ERGIC1: variants seen among roughly 807,000 people sequenced by gnomAD.
ERGIC1 encodes the protein endoplasmic reticulum-golgi intermediate compartment 1.
A neutral mutation model predicts 38.3 loss-of-function variants in ERGIC1; 19 were observed. The ratio of observed to expected loss-of-function variants is 0.50; its 90% CI spans 0.35 to 0.73. The LOEUF is 0.73. ERGIC1 is among the 30% of genes least tolerant of loss of function. The pLI is 0.01. For synonymous variants in ERGIC1, 124 were observed against 157.6 expected (o/e 0.79, Z 1.60); for missense variants, 294 against 389.2 (o/e 0.76, Z 2.06).
At chr5:172,878,924 C>T (rs977214496) in intron 1 of ERGIC1, among the ~76,000 whole-genome samples, 2 of 152,178 alleles carry the variant, frequency 1.3e-5, no homozygotes, top group African/African-American at 2.4e-5. Context: ...CACTCGGCAC[C>T]GAGGGCTCCG....
intron 5 of ERGIC1, 116 bp downstream of exon 5, chr5:172,914,954 C>T (rs1236134444): frequency 6.6e-7 from 1 of 1,508,186 alleles, no homozygotes; most frequent in Non-Finnish European, 9.1e-7. Flanking sequence ...CAGCCCCCAG[C>T]AAGCGAGGGT....
intron 3 of ERGIC1, chr5:172,905,997 G>A: frequency 2.2e-6 from 1 of 452,704 alleles, no homozygotes; most frequent in East Asian, 7.0e-5. Context: ...TTAGAAGCCC[G>A]GTGTTTAAAG....
At chr5:172,905,658 C>T (rs1024486644) in intron 3 of ERGIC1, among the ~76,000 whole-genome samples, 5 of 152,216 alleles carry the variant, frequency 3.3e-5, no homozygotes, top group African/African-American at 9.6e-5. Context: ...GACACCCTGC[C>T]GGATCCAGAG....
intron 5 of ERGIC1, chr5:172,915,466 A>C (rs1278882072): frequency 2.4e-6 from 1 of 424,768 alleles, no homozygotes; most frequent in Non-Finnish European, 5.0e-6. Context: ...GCTTGAAAGT[A>C]CCTTGTCCGC....
intron 9 of ERGIC1, among the ~76,000 whole-genome samples, chr5:172,945,064 C>T (rs1025073497): frequency 2.0e-5 from 3 of 152,226 alleles, no homozygotes; most frequent in Non-Finnish European, 4.4e-5. Context: ...ACGTCTTGTG[C>T]ACCTCCCATG....
intron 1 of ERGIC1, chr5:172,867,567 T>C: frequency 2.3e-6 from 1 of 432,452 alleles, no homozygotes; most frequent in Non-Finnish European, 4.7e-6. Context: ...GAGGTGTTAC[T>C]CCACCCCCGA....
At position 172,951,198 on chromosome 5, in the gene ERGIC1, T is replaced by TA. The variant is rs1764222552; in HGVS notation, c.*383dup. 1 of 161,098 alleles carries TA rather than the reference T, an allele frequency of 6.2e-6. No homozygotes were observed. The highest frequency in any genetic ancestry group is 1.8e-4 in the South Asian group (1 of 5,450). 10.0% of individuals were successfully genotyped at this position (161,098 alleles called of 1,614,324 possible). A position where few individuals can be genotyped will look rare whatever the true frequency, so the allele number is the denominator to read the frequency against. ...GCTTCGACAATCTCGCAGCCCCCAC[T>TA]AGGTGGACACATTAATGATTTGGTT... On this transcript the variant is annotated 3_prime_UTR_variant, in exon 10 of 10. Coordinates refer to ENST00000393784, the MANE Select transcript of ERGIC1 (RefSeq NM_001031711.3).
chr5:172,943,780 G>A (rs1323899487), intron 9 of ERGIC1, among the ~76,000 whole-genome samples: 1 of 152,190 alleles, frequency 6.6e-6, no homozygotes, highest in Non-Finnish European at 1.5e-5. Flanking sequence ...TCCATTGCAC[G>A]CTATGGGAGA....
chr5:172,932,305 G>A, intron 7 of ERGIC1, 131 bp from the exon 8 acceptor site: 2 of 773,488 alleles, frequency 2.6e-6, no homozygotes, highest in Non-Finnish European at 4.2e-6. Context: ...AAGAGCAGTT[G>A]GTTGGTGGTA....
intron 8 of ERGIC1, 29 bp from the exon 9 acceptor site, chr5:172,935,159 A>C (rs763037748): frequency 5.0e-6 from 8 of 1,613,640 alleles, no homozygotes; most frequent in South Asian, 4.4e-5. Flanking sequence ...CACAGTTTGT[A>C]CTTCTGATTC....
intron 1 of ERGIC1, among the ~76,000 whole-genome samples, chr5:172,853,616 G>A (rs899023148): frequency 6.6e-6 from 1 of 152,212 alleles, no homozygotes; most frequent in Non-Finnish European, 1.5e-5. Context: ...CCCCCGCCCC[G>A]GAGGATGGGA....
chr5:172,931,431 G>A (rs968469926), intron 7 of ERGIC1, among the ~76,000 whole-genome samples: 4 of 152,148 alleles, frequency 2.6e-5, no homozygotes, highest in Admixed American at 6.5e-5. Flanking sequence ...GGCCCTGCAC[G>A]GGGCTCTGGG....
chr5:172,901,375 C>T lies in ERGIC1; in HGVS notation c.155+4301C>T, dbSNP rs1192595532. 2.0e-5 allele frequency among the ~76,000 whole-genome samples: 3 copies of T among 152,296 alleles called. No homozygotes were observed. In the East Asian group the frequency reaches 5.8e-4, roughly 29 times the overall value. ...CCGTGTTTTCAGGGAGCAGGCCCCTCCTCAGGCAACCTGGCCACAGAATGT... is the reference window on the plus strand; with the variant it reads ...CCGTGTTTTCAGGGAGCAGGCCCCTTCTCAGGCAACCTGGCCACAGAATGT... On this transcript the variant is annotated intron_variant, in intron 3 of 9. Coordinates refer to ENST00000393784, the MANE Select transcript of ERGIC1 (RefSeq NM_001031711.3).
intron 9 of ERGIC1, among the ~76,000 whole-genome samples, chr5:172,946,210 G>A (rs1764118182): frequency 6.6e-6 from 1 of 152,200 alleles, no homozygotes; most frequent in Admixed American, 6.5e-5. Context: ...CCCCTGGAGA[G>A]GCCCAGCTCT....
At position 172,951,375 on chromosome 5, in the gene ERGIC1, T is replaced by C. The variant is rs1008351352; in HGVS notation, c.*559T>C. 6.6e-6 allele frequency: 1 copy of C among 152,424 alleles called. No homozygotes were observed. Among genetic ancestry groups the C allele is most frequent in the African/African-American group, 2.4e-5 (1 of 41,456 alleles). 9.4% of individuals were successfully genotyped at this position (152,424 alleles called of 1,614,324 possible). On this transcript the variant is annotated 3_prime_UTR_variant, in exon 10 of 10. Coordinates refer to ENST00000393784, the MANE Select transcript of ERGIC1 (RefSeq NM_001031711.3). The stretch of plus-strand genomic sequence containing the variant: ...AGCCCCTATGATTTGTCACTATAGA[T>C]GGAACCCTGACTTCTGCCCCATCCC...
chr5:172,894,354 C>A (rs540600007), intron 2 of ERGIC1, among the ~76,000 whole-genome samples: 3 of 151,484 alleles, frequency 2.0e-5, no homozygotes, highest in Admixed American at 1.3e-4. Context: ...TGCCACAACA[C>A]CTGGCTAATT....
chr5:172,865,944 T>C (rs941447700), intron 1 of ERGIC1, among the ~76,000 whole-genome samples: 4 of 152,202 alleles, frequency 2.6e-5, no homozygotes, highest in Non-Finnish European at 5.9e-5. Context: ...CTCTTCTGTC[T>C]GCACTTTCCA....
intron 4 of ERGIC1, among the ~76,000 whole-genome samples, chr5:172,911,107 C>A (rs1340251584): frequency 6.6e-6 from 1 of 152,078 alleles, no homozygotes; most frequent in East Asian, 1.9e-4. Context: ...TGCTGCAGGC[C>A]CTTCTCTCCC....
chr5:172,908,525 G>A (rs567840749), intron 3 of ERGIC1, among the ~76,000 whole-genome samples: 17 of 151,274 alleles, frequency 1.1e-4, no homozygotes, highest in South Asian at 4.2e-4. Flanking sequence ...GGAGTGAGCC[G>A]AGATCGCGCC....
Sources: gnomAD v4.1 joint callset for allele counts (sites outside exome capture counted in the v4.1 genomes callset) on GRCh38, gnomAD v4.1.1 for gene constraint, MANE v1.5 for transcripts, NCBI Gene and HGNC (gene_info 2026-07-23, HGNC 2026-07-21) for gene names.